The following KIAA0825 variants were observed in gnomAD, a reference collection of about 807,000 sequenced individuals.
The protein encoded by KIAA0825 is uncharacterized protein KIAA0825.
Under a neutral mutation model 147.6 loss-of-function variants are expected in KIAA0825, and 119 were observed. The observed-to-expected ratio is 0.81, with a 90% CI of 0.69 to 0.94. KIAA0825 has a LOEUF of 0.94. Among genes scored for constraint, KIAA0825 ranks in the 40% least tolerant of loss-of-function variants. KIAA0825 has a pLI of 0.00. For synonymous variants in KIAA0825, 470 were observed against 518.1 expected (o/e 0.91, Z 1.26); for missense variants, 1,381 against 1,472.7 (o/e 0.94, Z 1.02).
chr5:94,233,224 C>T (rs2150089304), intron 20 of KIAA0825, among the ~76,000 whole-genome samples: 1 of 152,248 alleles, frequency 6.6e-6, no homozygotes, highest in Admixed American at 6.5e-5. Flanking sequence ...TGAAAAGATT[C>T]AATGTCTTCA....
chr5:94,330,566 GTGCAGGGAAATTTATAACATTAAA>G (rs1375787984), intron 20 of KIAA0825, among the ~76,000 whole-genome samples: 3 of 152,076 alleles, frequency 2.0e-5, no homozygotes, highest in Admixed American at 1.3e-4. Context: ...CATTAAAGCA[GTGCAGGGAAATTTATAACATTAAA>G]TGCTTGAAGT....
At chr5:94,267,415 C>T (rs1776781336) in intron 20 of KIAA0825, among the ~76,000 whole-genome samples, 1 of 151,872 alleles carries the variant, frequency 6.6e-6, no homozygotes, top group African/African-American at 2.4e-5. Context: ...ATACAGGTTG[C>T]TTTCCTTCCA....
At chr5:94,499,205 C>T (rs1764735860) in intron 5 of KIAA0825, among the ~76,000 whole-genome samples, 2 of 152,234 alleles carry the variant, frequency 1.3e-5, no homozygotes, top group Admixed American at 1.3e-4. Flanking sequence ...ATGGAACTCT[C>T]AGGGTTGAGT....
chr5:94,176,817 A>G (rs1229844595), intron 20 of KIAA0825, among the ~76,000 whole-genome samples: 1 of 152,180 alleles, frequency 6.6e-6, no homozygotes, highest in African/African-American at 2.4e-5. Flanking sequence ...ACCCTGTTTT[A>G]TACAACAGAA....
chr5:94,549,016 A>G (rs923071794), intron 2 of KIAA0825, among the ~76,000 whole-genome samples: 1 of 152,206 alleles, frequency 6.6e-6, no homozygotes, highest in South Asian at 2.1e-4. Context: ...TCAGCATAGG[A>G]CAGATCTTAC....
chr5:94,370,025 G>A (rs1746444081), intron 20 of KIAA0825, among the ~76,000 whole-genome samples: 1 of 152,164 alleles, frequency 6.6e-6, no homozygotes. Flanking sequence ...CTATGTTCAT[G>A]CAAAACCTGT....
At chr5:94,528,876 T>C in intron 3 of KIAA0825, among the ~76,000 whole-genome samples, 1 of 151,440 alleles carries the variant, frequency 6.6e-6, no homozygotes. Context: ...AACAAAACCA[T>C]ACAAACTGAA....
chr5:94,583,702 A>G (rs945027299), intron 1 of KIAA0825, among the ~76,000 whole-genome samples: 6 of 152,196 alleles, frequency 3.9e-5, no homozygotes, highest in African/African-American at 1.4e-4. Context: ...TCGAGCTCCA[A>G]TAATGGACAG....
At chr5:94,408,479 T>C (rs948282103) in intron 15 of KIAA0825, among the ~76,000 whole-genome samples, 4 of 151,952 alleles carry the variant, frequency 2.6e-5, no homozygotes, top group Non-Finnish European at 5.9e-5. Flanking sequence ...CCCGAGTAGC[T>C]GGGATTACAG....
intron 20 of KIAA0825, among the ~76,000 whole-genome samples, chr5:94,208,330 C>A (rs1398515564): frequency 6.6e-6 from 1 of 152,174 alleles, no homozygotes; most frequent in African/African-American, 2.4e-5. Flanking sequence ...AGAACACTTA[C>A]CTCCCTGACT....
chr5:94,196,819 T>C (rs1341637705), intron 20 of KIAA0825, among the ~76,000 whole-genome samples: 1 of 152,246 alleles, frequency 6.6e-6, no homozygotes, highest in African/African-American at 2.4e-5. Flanking sequence ...TACAGCTATG[T>C]AGTATTCCAT....
intron 20 of KIAA0825, among the ~76,000 whole-genome samples, chr5:94,184,997 G>T (rs1769997641): frequency 6.6e-6 from 1 of 152,144 alleles, no homozygotes; most frequent in Non-Finnish European, 1.5e-5. Context: ...GGGAAGCTCT[G>T]CTTGTCTTGC....
At chr5:94,213,765 C>A (rs1269161573) in intron 20 of KIAA0825, among the ~76,000 whole-genome samples, 1 of 152,176 alleles carries the variant, frequency 6.6e-6, no homozygotes, top group African/African-American at 2.4e-5. Context: ...CTAGCCTGGC[C>A]TGGCCAACTC....
At chr5:94,165,368 C>A (rs181238790) in intron 20 of KIAA0825, among the ~76,000 whole-genome samples, 3 of 152,042 alleles carry the variant, frequency 2.0e-5, no homozygotes, top group Non-Finnish European at 4.4e-5. Context: ...CAAATGCTGG[C>A]GAGGATATAG....
intron 20 of KIAA0825, among the ~76,000 whole-genome samples, chr5:94,277,068 G>A (rs1777256067): frequency 6.6e-6 from 1 of 152,070 alleles, no homozygotes; most frequent in Non-Finnish European, 1.5e-5. Flanking sequence ...GTAGGGTTCA[G>A]AAACCCACAT....
intron 2 of KIAA0825, among the ~76,000 whole-genome samples, chr5:94,563,685 A>T (rs369056122): frequency 8.6e-5 from 13 of 152,046 alleles, no homozygotes; most frequent in African/African-American, 2.7e-4. Context: ...CCTTTTTTAA[A>T]TTTTTTTTAT....
At chr5:94,607,355 G>A (rs1334791705) in intron 1 of KIAA0825, among the ~76,000 whole-genome samples, 1 of 152,144 alleles carries the variant, frequency 6.6e-6, no homozygotes, top group African/African-American at 2.4e-5. Context: ...GGGTGCGGTG[G>A]CTCATGCCTG....
intron 14 of KIAA0825, among the ~76,000 whole-genome samples, chr5:94,422,045 C>A (rs1754249500): frequency 6.6e-6 from 1 of 152,142 alleles, no homozygotes; most frequent in South Asian, 2.1e-4. Context: ...GATGACTCAG[C>A]TATAGTTTAA....
intron 5 of KIAA0825, among the ~76,000 whole-genome samples, chr5:94,489,706 C>T (rs1031681981): frequency 7.3e-5 from 11 of 151,334 alleles, no homozygotes; most frequent in Admixed American, 4.0e-4. Flanking sequence ...GCCAACATGG[C>T]GAAACCCTGT....
Sources: allele counts gnomAD v4.1 joint callset (sites outside exome capture counted in the v4.1 genomes callset), GRCh38; gene constraint gnomAD v4.1.1; transcripts MANE v1.5; gene names NCBI Gene and HGNC (gene_info 2026-07-23, HGNC 2026-07-21).